Variants in MYL12A observed in about 807,000 individuals in gnomAD.
MYL12A encodes the protein myosin regulatory light chain 12A.
A neutral mutation model predicts 13.3 loss-of-function variants in MYL12A; 11 were observed. That is an observed-to-expected ratio of 0.83 (90% CI 0.52 to 1.37). The LOEUF (loss-of-function observed/expected upper bound fraction) is 1.37. Among genes scored for constraint, MYL12A ranks in the 40% most tolerant of loss-of-function variants. The probability of loss-of-function intolerance (pLI) is 0.00; values close to 1 mark genes in which losing one functional copy is unlikely to be tolerated. For missense variants in MYL12A, 146 were observed against 212.3 expected, an observed-to-expected ratio of 0.69 and a Z score of 1.94; for synonymous variants, 51 against 69.9, an observed-to-expected ratio of 0.73 and a Z score of 1.35.
At chr18:3,253,568 C>A in intron 2 of MYL12A, 140 bp downstream of exon 2, 1 of 1,103,784 alleles carries the variant, frequency 9.1e-7, no homozygotes, top group Non-Finnish European at 1.3e-6. Context: ...CAGTGTTTCC[C>A]ACCGGATCAC....
At chr18:3,255,722 G>A in intron 3 of MYL12A, 24 bp from the exon 4 acceptor site, 1 of 1,605,368 alleles carries the variant, frequency 6.2e-7, no homozygotes, top group Non-Finnish European at 8.5e-7. Flanking sequence ...TATGTATTCT[G>A]ATCCCTTGTT....
At chr18:3,247,725 C>T (rs2081442410), upstream of MYL12A, 2 of 152,310 alleles carry the variant, frequency 1.3e-5, no homozygotes, top group African/African-American at 4.8e-5. Context: ...GGCGACTTCC[C>T]TCTCTGTCGC....
intron 1 of MYL12A, chr18:3,249,551 C>T (rs554104815): frequency 6.6e-6 from 1 of 152,226 alleles, no homozygotes; most frequent in Non-Finnish European, 1.5e-5. Flanking sequence ...GTAAGTCTCT[C>T]TACTTTCCAG....
At chr18:3,249,079 A>G (rs1029908858) in intron 1 of MYL12A, among the ~76,000 whole-genome samples, 7 of 152,202 alleles carry the variant, frequency 4.6e-5, no homozygotes, top group African/African-American at 1.4e-4. Flanking sequence ...AATATTATCA[A>G]TTTGAGTGTT....
chr18:3,254,844 T>C (rs935967847), intron 3 of MYL12A, among the ~76,000 whole-genome samples: 5 of 152,260 alleles, frequency 3.3e-5, no homozygotes, highest in African/African-American at 1.2e-4. Flanking sequence ...AGGCACAATC[T>C]TTGGTTGCCT....
rs1204008364 is a variant in MYL12A at position 3,256,033 on chromosome 18, G to C, written c.*115G>C. 7.5e-7 allele frequency: 1 copy of C among 1,332,518 alleles called. No homozygotes were observed. The highest frequency in any genetic ancestry group is 1.0e-6 in the Non-Finnish European group (1 of 973,504). 82.5% of individuals were successfully genotyped at this position (1,332,518 alleles called of 1,614,324 possible). ...GCATTTCCTGTTGTATTTATTCTCA[G>C]CCATTTTGGGCATATGTATCTTTAT... On this transcript the variant is annotated 3_prime_UTR_variant, in exon 4 of 4. Transcript: ENST00000217652.
chr18:3,249,251 T>C (rs1473057492), intron 1 of MYL12A: 2 of 152,348 alleles, frequency 1.3e-5, no homozygotes. Context: ...GAAAACTTCT[T>C]GTGTCCTTTG....
rs183206225 is a variant in MYL12A, at chr18:3,253,716, T to G, written c.182-173T>G. 4.6e-4 allele frequency: 345 copies of G among 750,476 alleles called. No individual in the cohort carries two copies. In the African/African-American group the frequency reaches 5.7e-3, roughly 12 times the overall value. 46.5% of individuals were successfully genotyped at this position (750,476 alleles called of 1,614,324 possible). A position where few individuals can be genotyped will look rare whatever the true frequency, so the allele number is the denominator to read the frequency against. ...ATGGACTATCATATACTTTCCAGAC[T>G]CTTTAATAGGCCCTATTCATTAAGA... On this transcript the variant is annotated intron_variant, in intron 2 of 3. Transcript: ENST00000217652.
Position 3,253,923 on chromosome 18 carries a change from G to A in MYL12A, c.216G>A (p.Met72Ile). 6.2e-7 allele frequency: 1 copy of A among 1,610,898 alleles called. No individual in the cohort carries two copies. ...CAACTGATGAGTATCTAGATGCCATGATGAATGAGGCTCCAGGCCCCATCA... is the reference window on the plus strand; with the variant it reads ...CAACTGATGAGTATCTAGATGCCATAATGAATGAGGCTCCAGGCCCCATCA... ...KNPTDEYLDAMMNEAPGPINF... is the reference protein window; with the variant it reads ...KNPTDEYLDAIMNEAPGPINF... The change falls in exon 3 of 4, where the codon ATG (methionine) becomes ATA (isoleucine). Residue 72 changes from methionine to isoleucine, a missense_variant. By Grantham distance (10) the Met-to-Ile change is conservative. Transcript: ENST00000217652.
chr18:3,248,289 C>T (rs551484712), intron 1 of MYL12A: 1 of 152,210 alleles, frequency 6.6e-6, no homozygotes, highest in Non-Finnish European at 1.5e-5. Flanking sequence ...GTTGTTGCAG[C>T]TGTGTGGCTG....
At chr18:3,254,129 A>G (rs1195708618) in intron 3 of MYL12A, 79 bp downstream of exon 3, 4 of 1,481,736 alleles carry the variant, frequency 2.7e-6, no homozygotes, top group African/African-American at 1.4e-5. Flanking sequence ...AACTTAAAAT[A>G]TGATAACGCT....
At position 3,254,062 on chromosome 18, in the gene MYL12A, GT is replaced by G; in HGVS notation, c.343+13del. 6.2e-7 allele frequency: 1 copy of G among 1,607,212 alleles called. No individual in the cohort carries two copies. Among genetic ancestry groups the G allele is most frequent in the South Asian group, 1.1e-5 (1 of 89,568 alleles). On this transcript the variant is annotated intron_variant, in intron 3 of 3. Coordinates refer to ENST00000217652, the MANE Select transcript of MYL12A (RefSeq NM_006471.4). ...TGAAGAAGCAACTGGTAAGTGAGAG[GT>G]AACCTTTAATTATAAAGTGATTTAA...
Position 3,255,873 on chromosome 18 carries a change from G to A in MYL12A, c.471G>A (p.Glu157=). The change falls in exon 4 of 4, where the codon GAG becomes GAA. Residue 157 remains glutamate, a synonymous_variant. Coordinates refer to ENST00000217652, the MANE Select transcript of MYL12A (RefSeq NM_006471.4). ...AAAAGGGGAATTTCAATTACATCGA[G>A]TTCACACGCATCCTGAAACATGGAG... ...IDKKGNFNYI[E]FTRILKHGAK... 6.2e-7 allele frequency: 1 copy of A among 1,614,042 alleles called. No individual in the cohort carries two copies. The highest frequency in any genetic ancestry group is 8.5e-7 in the Non-Finnish European group (1 of 1,179,984).
intron 1 of MYL12A, chr18:3,249,477 CT>C (rs1259486072): frequency 6.6e-6 from 1 of 152,222 alleles, no homozygotes; most frequent in Non-Finnish European, 1.5e-5. Context: ...ACTCAGTCTC[CT>C]AACTGCCCTT....
intron 1 of MYL12A, among the ~76,000 whole-genome samples, chr18:3,252,672 T>G (rs1290295164): frequency 6.6e-6 from 1 of 152,060 alleles, no homozygotes; most frequent in East Asian, 1.9e-4. Flanking sequence ...TTCCCTTCAG[T>G]TTTTTTATAC....
At chr18:3,248,563 C>G (rs7359753) in intron 1 of MYL12A, 1 of 152,106 alleles carries the variant, frequency 6.6e-6, no homozygotes, top group African/African-American at 2.4e-5. Flanking sequence ...CTTGAGAGAC[C>G]TATGGATTTA....
At chr18:3,252,353 C>G (rs1220729295) in intron 1 of MYL12A, 2 of 1,530,534 alleles carry the variant, frequency 1.3e-6, no homozygotes, top group African/African-American at 1.4e-5. Context: ...TGTCTGATGA[C>G]TGAGATTTTT....
At chr18:3,253,655 G>C (rs536787680) in intron 2 of MYL12A, 112 of 675,368 alleles carry the variant, frequency 1.7e-4, no homozygotes, top group Admixed American at 8.8e-4. Flanking sequence ...CACTGATCTT[G>C]ATTATGGAAG....
At chr18:3,247,693 T>C (rs1263439254), upstream of MYL12A, 2 of 152,330 alleles carry the variant, frequency 1.3e-5, no homozygotes, top group East Asian at 1.9e-4. Flanking sequence ...ACTTGGTCAA[T>C]ACCACGCCCG....
Sources: gnomAD v4.1 joint callset for allele counts (sites outside exome capture counted in the v4.1 genomes callset) on GRCh38, gnomAD v4.1.1 for gene constraint, MANE v1.5 for transcripts, NCBI Gene and HGNC (gene_info 2026-07-23, HGNC 2026-07-21) for gene names.